Variants in CTPS1 observed in about 807,000 individuals in gnomAD.
CTPS1 encodes the protein CTP synthase 1, also known as CTP synthetase 1.
A neutral mutation model predicts 80.5 loss-of-function variants in CTPS1; 25 were observed. The observed-to-expected ratio is 0.31, with a 90% CI of 0.23 to 0.43. The LOEUF (loss-of-function observed/expected upper bound fraction) is 0.43, where lower values mean the gene tolerates loss of function less well. Ranked by LOEUF, CTPS1 falls within the 20% of genes least tolerant of loss-of-function variation. The probability of loss-of-function intolerance (pLI) is 1.00; values close to 1 mark genes in which losing one functional copy is unlikely to be tolerated. For missense variants in CTPS1, 442 were observed against 725.7 expected, an observed-to-expected ratio of 0.61 and a Z score of 4.49; for synonymous variants, 267 against 252.5, an observed-to-expected ratio of 1.06 and a Z score of -0.54.
intron 8 of CTPS1, 200 bp from the exon 9 acceptor site, chr1:40,997,194 G>A (rs1642775534): frequency 3.6e-6 from 2 of 557,632 alleles, no homozygotes; most frequent in Admixed American, 3.5e-5. Context: ...GTGCAGTGGT[G>A]CAGTCAGCTC....
intron 9 of CTPS1, chr1:41,000,805 A>G (rs1642885300): frequency 3.9e-6 from 1 of 254,614 alleles, no homozygotes; most frequent in East Asian, 9.5e-5. Flanking sequence ...TGGGAATTTA[A>G]TGATTTTGAA....
At chr1:41,011,361 A>G (rs1643168588) in intron 18 of CTPS1, among the ~76,000 whole-genome samples, 1 of 152,252 alleles carries the variant, frequency 6.6e-6, no homozygotes, top group South Asian at 2.1e-4. Context: ...TTGGTCAGTT[A>G]CATGGAATTT....
chr1:40,996,286 C>T (rs961660166), intron 8 of CTPS1, among the ~76,000 whole-genome samples: 4 of 152,198 alleles, frequency 2.6e-5, no homozygotes, highest in Non-Finnish European at 5.9e-5. Flanking sequence ...AGGTGCCGGG[C>T]CTCCAGACAA....
intron 7 of CTPS1, among the ~76,000 whole-genome samples, chr1:40,993,644 T>C (rs1642673939): frequency 6.6e-6 from 1 of 152,240 alleles, no homozygotes; most frequent in South Asian, 2.1e-4. Flanking sequence ...CCAGCCTTAC[T>C]TACTCTTTTA....
At chr1:40,995,396 GTT>G (rs1240457710) in intron 7 of CTPS1, among the ~76,000 whole-genome samples, 7 of 131,444 alleles carry the variant, frequency 5.3e-5, no homozygotes, top group African/African-American at 5.6e-5. Flanking sequence ...TTTTTTGGGT[GTT>G]TTTTTTTTTT....
Position 40,982,206 on chromosome 1 carries a change from C to T in CTPS1, c.-13-1072C>T, listed in dbSNP as rs111470350. Among the ~76,000 whole-genome samples, 68 of 152,024 alleles carry T rather than the reference C, an allele frequency of 4.5e-4. 1 individual carries two copies. The highest frequency in any genetic ancestry group is 1.5e-4 in the Non-Finnish European group (10 of 68,016). ...TATATCTTATTTCTCCTTTCCCTGC[C>T]ACCGTGGCACTGCTTTTTGGATTTA... On this transcript the variant is annotated intron_variant, in intron 1 of 18. Transcript: ENST00000650070.
chr1:40,994,532 A>G (rs1396943910), intron 7 of CTPS1, among the ~76,000 whole-genome samples: 1 of 152,242 alleles, frequency 6.6e-6, no homozygotes, highest in Non-Finnish European at 1.5e-5. Context: ...ACCTCTGTCC[A>G]TTCATCTACA....
chr1:41,001,008 C>G, intron 9 of CTPS1, 21 bp from the exon 10 acceptor site: 3 of 1,547,208 alleles, frequency 1.9e-6, no homozygotes, highest in Non-Finnish European at 2.6e-6. Context: ...TGCTTTTCTC[C>G]CCTGTCTGAA....
At chr1:40,987,264 A>C in intron 3 of CTPS1, 108 bp from the exon 4 acceptor site, 1 of 788,872 alleles carries the variant, frequency 1.3e-6, no homozygotes, top group South Asian at 1.5e-5. Context: ...CCCTATTGCT[A>C]CTCTCTCCAG....
Position 40,985,030 on chromosome 1 carries a change from C to G in CTPS1, c.337+39C>G, listed in dbSNP as rs1642417858. ...TACCTTTAAAGCTTAAAAGTCTTAA[C>G]CAGTTTAATTTCTTCTCCCTCCCAC... On this transcript the variant is annotated intron_variant, in intron 3 of 18. Transcript: ENST00000650070. 4.9e-6 allele frequency: 7 copies of G among 1,436,398 alleles called. 1 individual carries two copies. The East Asian group carries it at 1.7e-4, about 36-fold the overall frequency. 89.0% of individuals were successfully genotyped at this position (1,436,398 alleles called of 1,614,324 possible).
At chr1:41,000,316 C>G (rs1361186149) in intron 9 of CTPS1, among the ~76,000 whole-genome samples, 1 of 152,124 alleles carries the variant, frequency 6.6e-6, no homozygotes, top group Admixed American at 6.6e-5. Flanking sequence ...GATCCCAGTT[C>G]ACTGCAACCT....
Position 41,002,224 on chromosome 1 carries a change from T to G in CTPS1, c.1159T>G (p.Trp387Gly). 1 of 1,614,192 alleles carries G rather than the reference T, an allele frequency of 6.2e-7. No homozygotes were observed. The highest frequency in any genetic ancestry group is 8.5e-7 in the Non-Finnish European group (1 of 1,180,026). Reference protein sequence around the residue: ...GTEGKIQAIAWARNQKKPFLG... With the variant: ...GTEGKIQAIAGARNQKKPFLG... ...AGAAGGAAAAATCCAAGCAATTGCC[T>G]GGGCTCGGAATCAGAAAAAGCCTTT... Residue 387 changes from tryptophan (W) to glycine (G), a missense_variant, in exon 11 of 19, where the codon TGG becomes GGG. By Grantham distance (184) the Trp-to-Gly change is radical. Around this residue, in one of 4 missense-constraint regions of CTPS1, gnomAD observed 321 missense variants for 467.2 expected, o/e 0.69. Transcript: ENST00000650070.
chr1:40,998,822 C>T (rs185915220), intron 9 of CTPS1, among the ~76,000 whole-genome samples: 7 of 152,322 alleles, frequency 4.6e-5, no homozygotes, highest in Admixed American at 3.3e-4. Context: ...AGGTGTTTCT[C>T]AGCGTGAGAG....
rs139504415 is a variant in CTPS1 at position 41,001,686 on chromosome 1, G to C, written c.1095-474G>C. 5.3e-3 allele frequency: 831 copies of C among 156,506 alleles called. 5 individuals are homozygous for C. The highest frequency in any genetic ancestry group is 0.018 in the African/African-American group (735 of 41,550). 9.7% of individuals were successfully genotyped at this position (156,506 alleles called of 1,614,324 possible). A position where few individuals can be genotyped will look rare whatever the true frequency, so the allele number is the denominator to read the frequency against. Reference sequence around the variant, plus strand: ...AAACTTTGAGAGGCTGAGGTGGGAGGATTGCTTGAGCCCAAGAGTTCAAGA... The same window carrying C: ...AAACTTTGAGAGGCTGAGGTGGGAGCATTGCTTGAGCCCAAGAGTTCAAGA... On this transcript the variant is annotated intron_variant, in intron 10 of 18. Coordinates refer to ENST00000650070, the MANE Select transcript of CTPS1 (RefSeq NM_001905.4).
At chr1:40,999,596 G>A (rs569505273) in intron 9 of CTPS1, among the ~76,000 whole-genome samples, 4 of 152,230 alleles carry the variant, frequency 2.6e-5, no homozygotes, top group South Asian at 2.1e-4. Flanking sequence ...CCTTGCTGCC[G>A]GGAGTGTAAA....
chr1:40,980,790 A>T (rs1442400805), intron 1 of CTPS1: 2 of 152,334 alleles, frequency 1.3e-5, no homozygotes, highest in African/African-American at 4.8e-5. Flanking sequence ...CAGTTTGCAC[A>T]TGATCTGGCC....
intron 1 of CTPS1, among the ~76,000 whole-genome samples, chr1:40,982,735 C>G (rs945289270): frequency 5.3e-5 from 8 of 152,360 alleles, no homozygotes; most frequent in African/African-American, 1.9e-4. Context: ...GCTGCAACCA[C>G]TTTTAAATGT....
Position 40,981,914 on chromosome 1 carries a change from C to T in CTPS1, c.-13-1364C>T, listed in dbSNP as rs1642316708. The T allele has an allele frequency of 6.0e-6, 7 of 1,175,340 alleles. 1 individual carries two copies. The South Asian group carries it at 9.0e-5, about 15-fold the overall frequency. 72.8% of individuals were successfully genotyped at this position (1,175,340 alleles called of 1,614,324 possible). On this transcript the variant is annotated intron_variant, in intron 1 of 18. Coordinates refer to ENST00000650070, the MANE Select transcript of CTPS1 (RefSeq NM_001905.4). ...GCTTCGAGCACAACTCCTTAGTTTT[C>T]TTGTTCCTTAGTTTATTTTTATCAT...
intron 12 of CTPS1, 23 bp downstream of exon 12, chr1:41,003,199 AT>A: frequency 6.2e-7 from 1 of 1,613,342 alleles, no homozygotes; most frequent in Non-Finnish European, 8.5e-7. Flanking sequence ...TAAGACACTC[AT>A]TCAATTCCCG....
Sources: gnomAD v4.1 joint callset for allele counts (sites outside exome capture counted in the v4.1 genomes callset) on GRCh38, gnomAD v4.1.1 for gene constraint, gnomAD v4.1.1 regional missense constraint, MANE v1.5 for transcripts, NCBI Gene and HGNC (gene_info 2026-07-23, HGNC 2026-07-21) for gene names.